LRRC7: variants seen among roughly 807,000 people sequenced by gnomAD.
The protein encoded by LRRC7 is leucine rich repeat containing 7, also known as leucine-rich repeat-containing protein 7.
Under a neutral mutation model 175.7 loss-of-function variants are expected in LRRC7, and 23 were observed. The ratio of observed to expected loss-of-function variants is 0.13; its 90% CI spans 0.09 to 0.19. The LOEUF is 0.19. Ranked by LOEUF, LRRC7 falls within the 10% of genes least tolerant of loss-of-function variation. The pLI, the probability that LRRC7 is intolerant of heterozygous loss-of-function variation, is 1.00. For missense variants in LRRC7, 1,354 were observed against 1,904.7 expected, an observed-to-expected ratio of 0.71 and a Z score of 5.38; for synonymous variants, 685 against 680.9, an observed-to-expected ratio of 1.01 and a Z score of -0.09.
intron 23 of LRRC7, among the ~76,000 whole-genome samples, chr1:70,060,075 T>C (rs977488148): frequency 6.6e-6 from 1 of 152,118 alleles, no homozygotes; most frequent in African/African-American, 2.4e-5. Context: ...CTTAGCACTT[T>C]GGGAGGCCGA....
At chr1:70,067,803 A>G (rs530178651) in intron 23 of LRRC7, among the ~76,000 whole-genome samples, 4 of 152,228 alleles carry the variant, frequency 2.6e-5, no homozygotes, top group African/African-American at 9.6e-5. Flanking sequence ...GCATGTAAGT[A>G]TAGTTTTCAG....
At chr1:69,946,074 A>G (rs1361174407) in intron 8 of LRRC7, among the ~76,000 whole-genome samples, 1 of 152,178 alleles carries the variant, frequency 6.6e-6, no homozygotes, top group Non-Finnish European at 1.5e-5. Flanking sequence ...AAAAGGTTAT[A>G]GTTTTTCAGT....
chr1:69,771,860 C>T (rs375322325), intron 3 of LRRC7, among the ~76,000 whole-genome samples: 112 of 152,260 alleles, frequency 7.4e-4, no homozygotes, highest in African/African-American at 2.5e-3. Flanking sequence ...GTGGCTCACA[C>T]CTGCAATCCC....
intron 1 of LRRC7, among the ~76,000 whole-genome samples, chr1:69,610,635 TTAATG>T (rs1248590794): frequency 6.6e-6 from 1 of 152,028 alleles, no homozygotes; most frequent in African/African-American, 2.4e-5. Flanking sequence ...TTGTTGTATT[TTAATG>T]TAATTAAATT....
chr1:70,107,640 C>T (rs1571342962), intron 25 of LRRC7, 112 bp from the exon 26 acceptor site: 1 of 731,350 alleles, frequency 1.4e-6, no homozygotes, highest in East Asian at 2.5e-5. Flanking sequence ...AGCCTACATG[C>T]ATAAACTGTT....
chr1:69,919,646 GAGA>G, intron 7 of LRRC7: 1 of 873,556 alleles, frequency 1.1e-6, no homozygotes, highest in Non-Finnish European at 1.9e-6. Flanking sequence ...CAAGGCAGGA[GAGA>G]AGGACTTTGA....
At chr1:69,754,947 G>A (rs1670243356) in intron 2 of LRRC7, among the ~76,000 whole-genome samples, 1 of 152,004 alleles carries the variant, frequency 6.6e-6, no homozygotes, top group Non-Finnish European at 1.5e-5. Flanking sequence ...GGTACAATTA[G>A]AAGGGTAACA....
intron 1 of LRRC7, among the ~76,000 whole-genome samples, chr1:69,572,982 C>T (rs1315299306): frequency 6.6e-6 from 1 of 151,954 alleles, no homozygotes; most frequent in Non-Finnish European, 1.5e-5. Context: ...TATTTCCTAT[C>T]TCAAAAAAAG....
chr1:70,037,612 G>T (rs1376617513), intron 20 of LRRC7, among the ~76,000 whole-genome samples: 7 of 152,142 alleles, frequency 4.6e-5, no homozygotes, highest in Non-Finnish European at 8.8e-5. Flanking sequence ...TTGTAAGAAA[G>T]GTACTCTCGG....
rs572586271 is a variant in LRRC7, at chr1:69,938,817, C to T, written c.711+7247C>T. On this transcript the variant is annotated intron_variant, in intron 8 of 26. Transcript: ENST00000651989. ...GCAATTACAGCATAGGTTTGCCACA[C>T]CTACTAATCAAATTGTATAATTTAT... Among the ~76,000 whole-genome samples the T allele has an allele frequency of 6.5e-4, 98 of 151,598 alleles. 1 individual carries two copies. The highest frequency in any genetic ancestry group is 2.2e-3 in the African/African-American group (89 of 41,372).
intron 8 of LRRC7, among the ~76,000 whole-genome samples, chr1:69,966,611 G>A (rs780467829): frequency 3.3e-4 from 50 of 152,172 alleles, no homozygotes; most frequent in Non-Finnish European, 4.0e-4. Flanking sequence ...TGAAGGAAGC[G>A]GATTGCTCCT....
intron 7 of LRRC7, among the ~76,000 whole-genome samples, chr1:69,848,825 A>G (rs79166629): frequency 6.6e-6 from 1 of 152,138 alleles, no homozygotes; most frequent in African/African-American, 2.4e-5. Context: ...TATTAAAAAT[A>G]AAAATTCACA....
intron 7 of LRRC7, among the ~76,000 whole-genome samples, chr1:69,920,780 A>G (rs7554827): frequency 0.059 from 9,031 of 152,192 alleles, 543 homozygotes; most frequent in African/African-American, 0.15. Context: ...TACTATTCCT[A>G]TGAGCATTTC....
At chr1:69,785,851 C>A (rs559762076) in intron 3 of LRRC7, among the ~76,000 whole-genome samples, 4 of 152,210 alleles carry the variant, frequency 2.6e-5, no homozygotes, top group Non-Finnish European at 2.9e-5. Context: ...TCCTCCACTA[C>A]CTCACTCATT....
At chr1:69,939,037 A>ATATATATATATATC (rs1557911148) in intron 8 of LRRC7, among the ~76,000 whole-genome samples, 7 of 80,952 alleles carry the variant, frequency 8.6e-5, no homozygotes, top group African/African-American at 1.9e-4. Flanking sequence ...ATATCTATAT[A>ATATATATATATATC]TATCTATATC....
chr1:69,731,820 A>G (rs1014929619), intron 2 of LRRC7, among the ~76,000 whole-genome samples: 1 of 152,194 alleles, frequency 6.6e-6, no homozygotes, highest in Non-Finnish European at 1.5e-5. Context: ...TGTTCTGGGC[A>G]GTTTATAAGC....
chr1:69,987,867 C>T (rs1418191896), intron 10 of LRRC7, among the ~76,000 whole-genome samples: 3 of 152,120 alleles, frequency 2.0e-5, no homozygotes, highest in African/African-American at 4.8e-5. Context: ...CTCTAACTTG[C>T]TCAATCATGG....
In LRRC7 at chr1:69,637,344, TATTC is replaced by T. The variant is rs1176327113; in HGVS notation, c.3-41034_3-41031del. Reference sequence around the variant, plus strand: ...CATAAAAAGTATTATTGTCTTTACATATTCATATTAAAAATAATTTTGTCCTAAG... The same window carrying T: ...CATAAAAAGTATTATTGTCTTTACATATATTAAAAATAATTTTGTCCTAAG... On this transcript the variant is annotated intron_variant, in intron 1 of 26. Coordinates refer to ENST00000651989, the MANE Select transcript of LRRC7 (RefSeq NM_001370785.2). Among the ~76,000 whole-genome samples, 7 of 152,014 alleles carry T rather than the reference TATTC, an allele frequency of 4.6e-5. No individual in the cohort carries two copies. The South Asian group carries it at 1.4e-3, about 31-fold the overall frequency.
chr1:69,625,615 A>G (rs900418149), intron 1 of LRRC7, among the ~76,000 whole-genome samples: 1 of 151,974 alleles, frequency 6.6e-6, no homozygotes, highest in Non-Finnish European at 1.5e-5. Context: ...TATAGCTATA[A>G]ACACCTCACA....
Sources: gnomAD v4.1 joint callset for allele counts (sites outside exome capture counted in the v4.1 genomes callset) on GRCh38, gnomAD v4.1.1 for gene constraint, MANE v1.5 for transcripts, NCBI Gene and HGNC (gene_info 2026-07-23, HGNC 2026-07-21) for gene names.